DNER: variants seen among roughly 807,000 people sequenced by gnomAD.
DNER encodes the protein delta/notch like EGF repeat containing, also known as delta and Notch-like epidermal growth factor-related receptor.
A neutral mutation model predicts 78.2 loss-of-function variants in DNER; 33 were observed. The ratio of observed to expected loss-of-function variants is 0.42; its 90% confidence interval spans 0.32 to 0.56. DNER has a LOEUF of 0.56. Ranked by LOEUF, DNER falls within the 20% of genes least tolerant of loss-of-function variation. The pLI is 0.11. For missense variants in DNER, 918 were observed against 975.3 expected (o/e 0.94, Z 0.78); for synonymous variants, 417 against 384.8 (o/e 1.08, Z -0.98).
chr2:229,406,503 C>G (rs942334958), intron 10 of DNER, among the ~76,000 whole-genome samples: 6 of 152,092 alleles, frequency 3.9e-5, no homozygotes, highest in African/African-American at 1.4e-4. Context: ...GTCCCAAAGC[C>G]TGGGGAACAG....
At chr2:229,710,983 G>GCGCGCGCACACACA (rs1553555262) in intron 1 of DNER, among the ~76,000 whole-genome samples, 1 of 139,724 alleles carries the variant, frequency 7.2e-6, no homozygotes, top group African/African-American at 2.7e-5. Context: ...GCATACACGC[G>GCGCGCGCACACACA]CACACACACA....
intron 1 of DNER, among the ~76,000 whole-genome samples, chr2:229,694,727 A>G (rs1194299336): frequency 2.0e-5 from 3 of 152,206 alleles, no homozygotes; most frequent in Non-Finnish European, 4.4e-5. Context: ...CCCCCATTGT[A>G]TCTAAGAAGT....
chr2:229,544,539 AT>A (rs1427534845), intron 5 of DNER, among the ~76,000 whole-genome samples: 9 of 151,268 alleles, frequency 5.9e-5, no homozygotes, highest in African/African-American at 2.2e-4. Flanking sequence ...TATTTTATTT[AT>A]TTATTTTTTG....
At chr2:229,659,742 A>G (rs1490557075) in intron 1 of DNER, among the ~76,000 whole-genome samples, 1 of 152,146 alleles carries the variant, frequency 6.6e-6, no homozygotes, top group African/African-American at 2.4e-5. Flanking sequence ...CCAAGAGCCA[A>G]AATTTTACTA....
At chr2:229,503,815 C>T (rs1695677185) in intron 6 of DNER, among the ~76,000 whole-genome samples, 2 of 152,214 alleles carry the variant, frequency 1.3e-5, no homozygotes, top group Admixed American at 6.5e-5. Context: ...TACCTCAGCT[C>T]ACTGCAACCT....
At chr2:229,386,300 C>A (rs1331716723) in intron 11 of DNER, among the ~76,000 whole-genome samples, 2 of 152,304 alleles carry the variant, frequency 1.3e-5, no homozygotes, top group Admixed American at 1.3e-4. Flanking sequence ...CCCTTCCTTA[C>A]ACCTTATACA....
intron 8 of DNER, among the ~76,000 whole-genome samples, chr2:229,440,253 T>TA (rs1325666454): frequency 6.6e-6 from 1 of 152,096 alleles, no homozygotes; most frequent in African/African-American, 2.4e-5. Context: ...CCCCACAACT[T>TA]ACAATCAAAC....
intron 1 of DNER, among the ~76,000 whole-genome samples, chr2:229,690,770 G>A (rs781016969): frequency 6.6e-6 from 1 of 152,172 alleles, no homozygotes; most frequent in Non-Finnish European, 1.5e-5. Flanking sequence ...TTACAAAGGA[G>A]GTAGAAAGTG....
chr2:229,618,683 GTAGAC>G (rs1258879129), intron 1 of DNER, among the ~76,000 whole-genome samples: 1 of 152,214 alleles, frequency 6.6e-6, no homozygotes, highest in Non-Finnish European at 1.5e-5. Flanking sequence ...CTATTTGTGA[GTAGAC>G]TAAAGTCAAT....
At chr2:229,469,901 G>T (rs1283729416) in intron 7 of DNER, among the ~76,000 whole-genome samples, 1 of 152,130 alleles carries the variant, frequency 6.6e-6, no homozygotes, top group East Asian at 1.9e-4. Context: ...CCAAGATCGC[G>T]CCATTGCACT....
intron 11 of DNER, among the ~76,000 whole-genome samples, chr2:229,374,786 A>G (rs1692561503): frequency 1.3e-5 from 2 of 151,808 alleles, no homozygotes; most frequent in African/African-American, 4.9e-5. Flanking sequence ...CCAGACTCAC[A>G]TTTAAAAAAA....
chr2:229,393,446 T>A lies in DNER; in HGVS notation c.1724-5050A>T, dbSNP rs868030043. 3.1e-3 allele frequency among the ~76,000 whole-genome samples: 463 copies of A among 148,562 alleles called. 1 individual carries two copies. The Middle Eastern group carries it at 0.032, about 10-fold the overall frequency. ...GTCTCAAAAAAAATAAAAATAAAAA[T>A]AAAAAAATAGTAGATTAGACACTGC... On this transcript the variant is annotated intron_variant, in intron 10 of 12. Coordinates refer to ENST00000341772, the MANE Select transcript of DNER (RefSeq NM_139072.4).
At chr2:229,553,301 T>C (rs1696786302) in intron 4 of DNER, among the ~76,000 whole-genome samples, 1 of 152,268 alleles carries the variant, frequency 6.6e-6, no homozygotes, top group East Asian at 1.9e-4. Flanking sequence ...TACTTGTGTG[T>C]TTCCTGGGCA....
chr2:229,401,992 G>A (rs546134906), intron 10 of DNER, among the ~76,000 whole-genome samples: 24 of 152,150 alleles, frequency 1.6e-4, no homozygotes, highest in African/African-American at 3.6e-4. Context: ...AAGTCACACC[G>A]TAAACAAAAA....
At chr2:229,637,954 C>T (rs1393396465) in intron 1 of DNER, among the ~76,000 whole-genome samples, 1 of 152,088 alleles carries the variant, frequency 6.6e-6, no homozygotes, top group African/African-American at 2.4e-5. Context: ...TTCCTATTAC[C>T]ATGGAAATAA....
chr2:229,690,585 C>T (rs765837042), intron 1 of DNER, among the ~76,000 whole-genome samples: 1 of 152,198 alleles, frequency 6.6e-6, no homozygotes, highest in African/African-American at 2.4e-5. Context: ...AGCTCCATCA[C>T]TCTGGGACTA....
chr2:229,679,490 C>T (rs1242236692), intron 1 of DNER, among the ~76,000 whole-genome samples: 1 of 151,856 alleles, frequency 6.6e-6, no homozygotes, highest in African/African-American at 2.4e-5. Flanking sequence ...TGTCCTATTC[C>T]TTTTTTTTAG....
At chr2:229,478,643 TA>T in intron 6 of DNER, among the ~76,000 whole-genome samples, 1 of 152,302 alleles carries the variant, frequency 6.6e-6, no homozygotes, top group South Asian at 2.1e-4. Flanking sequence ...ATGCTGCAAA[TA>T]ACTTTTTGGC....
chr2:229,700,285 T>TGTGTGTGTGC (rs1491281032), intron 1 of DNER, among the ~76,000 whole-genome samples: 9 of 22,694 alleles, frequency 4.0e-4, no homozygotes, highest in African/African-American at 7.8e-4. Flanking sequence ...TGTCAATATA[T>TGTGTGTGTGC]GTGTGTGTGT....
Sources: allele counts gnomAD v4.1 joint callset (sites outside exome capture counted in the v4.1 genomes callset), GRCh38; gene constraint gnomAD v4.1.1; transcripts MANE v1.5; gene names NCBI Gene and HGNC (gene_info 2026-07-23, HGNC 2026-07-21).